Variants in PIBF1 observed in about 807,000 individuals in gnomAD.
PIBF1 encodes the protein progesterone-induced-blocking factor 1.
In PIBF1, 90 loss-of-function variants were observed where a neutral mutation model predicts 112.5. The observed-to-expected ratio is 0.80, with a 90% CI of 0.67 to 0.95. The LOEUF is 0.95. PIBF1 is among the 40% of genes least tolerant of loss of function. The pLI is 0.00. For synonymous variants in PIBF1, 301 were observed against 288.6 expected (o/e 1.04, Z -0.44); for missense variants, 915 against 852.3 (o/e 1.07, Z -0.92).
chr13:72,826,615 A>G (rs2036823655), intron 6 of PIBF1, among the ~76,000 whole-genome samples: 1 of 151,076 alleles, frequency 6.6e-6, no homozygotes, highest in Admixed American at 6.6e-5. Flanking sequence ...ATGCAATCTA[A>G]ATGATAAGTT....
chr13:72,928,198 T>G, intron 13 of PIBF1, among the ~76,000 whole-genome samples: 1 of 151,696 alleles, frequency 6.6e-6, no homozygotes, highest in South Asian at 2.1e-4. Flanking sequence ...TCAACAGTCA[T>G]ACTAATACTC....
At chr13:72,840,524 C>CTTTTT (rs575826319) in intron 9 of PIBF1, among the ~76,000 whole-genome samples, 2 of 136,160 alleles carry the variant, frequency 1.5e-5, no homozygotes, top group African/African-American at 2.7e-5. Context: ...CCCCAATAAA[C>CTTTTT]TTTTTTTTTT....
At chr13:73,004,832 G>A (rs2043982873) in intron 17 of PIBF1, among the ~76,000 whole-genome samples, 2 of 152,128 alleles carry the variant, frequency 1.3e-5, no homozygotes, top group African/African-American at 4.8e-5. Flanking sequence ...TTCTATGGAT[G>A]GACAGTAGTG....
At chr13:72,993,631 A>G (rs541672355) in intron 16 of PIBF1, among the ~76,000 whole-genome samples, 3 of 151,848 alleles carry the variant, frequency 2.0e-5, no homozygotes, top group East Asian at 3.9e-4. Context: ...CTGTAGTCCC[A>G]GCTACTCGGG....
At chr13:72,912,823 AACAT>A (rs2040937001) in intron 12 of PIBF1, among the ~76,000 whole-genome samples, 1 of 152,062 alleles carries the variant, frequency 6.6e-6, no homozygotes, top group Non-Finnish European at 1.5e-5. Context: ...GAATCTGAAA[AACAT>A]AAAGTGTACT....
intron 16 of PIBF1, among the ~76,000 whole-genome samples, chr13:72,991,719 A>ATTTT (rs762467681): frequency 7.4e-6 from 1 of 135,864 alleles, no homozygotes; most frequent in African/African-American, 2.7e-5. Context: ...CCCCATCTCA[A>ATTTT]TTTTTTTTTT....
intron 5 of PIBF1, among the ~76,000 whole-genome samples, chr13:72,798,239 T>C (rs986320722): frequency 6.6e-6 from 1 of 152,200 alleles, no homozygotes; most frequent in East Asian, 1.9e-4. Flanking sequence ...TATCCTATAG[T>C]TGAGCTTTTA....
intron 14 of PIBF1, among the ~76,000 whole-genome samples, chr13:72,959,750 G>T (rs1215502116): frequency 6.6e-6 from 1 of 152,158 alleles, no homozygotes; most frequent in Non-Finnish European, 1.5e-5. Flanking sequence ...TTAATCAGGG[G>T]TTACTTTTCT....
intron 8 of PIBF1, among the ~76,000 whole-genome samples, chr13:72,833,054 G>A (rs553618441): frequency 6.6e-6 from 1 of 152,034 alleles, no homozygotes; most frequent in Non-Finnish European, 1.5e-5. Context: ...CCACTTGATC[G>A]ATTTGGCTTT....
chr13:72,845,502 G>A (rs1022197407), intron 9 of PIBF1, among the ~76,000 whole-genome samples: 6 of 152,102 alleles, frequency 3.9e-5, no homozygotes, highest in African/African-American at 1.4e-4. Context: ...TTATAGTAGA[G>A]TGATTTATAG....
intron 17 of PIBF1, 45 bp from the exon 18 acceptor site, chr13:73,015,824 C>T: frequency 8.1e-7 from 1 of 1,237,728 alleles, no homozygotes; most frequent in Non-Finnish European, 1.1e-6. Context: ...CTCTTGTCCT[C>T]CTTGTAAGCA....
intron 16 of PIBF1, among the ~76,000 whole-genome samples, chr13:72,979,136 A>T (rs572156475): frequency 7.4e-4 from 112 of 152,328 alleles, no homozygotes; most frequent in African/African-American, 2.4e-3. Flanking sequence ...TTAAGGCTGC[A>T]GTGAATCATA....
At chr13:72,906,811 A>T (rs2040720019) in intron 11 of PIBF1, among the ~76,000 whole-genome samples, 3 of 151,996 alleles carry the variant, frequency 2.0e-5, no homozygotes, top group Admixed American at 2.0e-4. Flanking sequence ...GTGGTTTTGC[A>T]GGGGGAGGTG....
chr13:72,811,034 A>G (rs553813813), intron 5 of PIBF1, among the ~76,000 whole-genome samples: 1 of 151,674 alleles, frequency 6.6e-6, no homozygotes, highest in Non-Finnish European at 1.5e-5. Flanking sequence ...TTTTTTGTAT[A>G]TCTTTTTAGT....
intron 5 of PIBF1, among the ~76,000 whole-genome samples, chr13:72,815,020 G>T (rs940459724): frequency 1.3e-5 from 2 of 152,212 alleles, no homozygotes; most frequent in African/African-American, 4.8e-5. Context: ...CAGGTTCACA[G>T]ATAGATTACT....
Position 72,962,091 on chromosome 13 carries a change from CTT to C in PIBF1, c.1834-3182_1834-3181del, listed in dbSNP as rs1303140704. On this transcript the variant is annotated intron_variant, in intron 14 of 17. Coordinates refer to ENST00000326291, the MANE Select transcript of PIBF1 (RefSeq NM_006346.4). ...AATTTTTATATATTGTTTATACTGACTTATAATTTATTACTATACATAGTGTA... is the reference window on the plus strand; with the variant it reads ...AATTTTTATATATTGTTTATACTGACATAATTTATTACTATACATAGTGTA... Among the ~76,000 whole-genome samples, 7 of 152,140 alleles carry C rather than the reference CTT, an allele frequency of 4.6e-5. No individual in the cohort carries two copies. In the East Asian group the frequency reaches 5.8e-4, roughly 13 times the overall value.
Position 72,838,854 on chromosome 13 carries a change from G to C in PIBF1, c.1223+3486G>C, listed in dbSNP as rs116110166. 5.3e-3 allele frequency among the ~76,000 whole-genome samples: 814 copies of C among 152,150 alleles called. 15 individuals are homozygous for C. The highest frequency in any genetic ancestry group is 0.018 in the African/African-American group (762 of 41,502). On this transcript the variant is annotated intron_variant, in intron 9 of 17. Transcript: ENST00000326291. ...AACTAAGGAAGGAAAGGAAATTGGG[G>C]GAATGAATATATAGCATATATAAAA...
At position 72,889,907 on chromosome 13, in the gene PIBF1, A is replaced by T. The variant is rs574712478; in HGVS notation, c.1323-3877A>T. Among the ~76,000 whole-genome samples the T allele has an allele frequency of 9.8e-5, 15 of 152,320 alleles. No homozygotes were observed. In the East Asian group the frequency reaches 2.7e-3, roughly 27 times the overall value. ...GGGTTCAAAATTTTTAATGTAATAC[A>T]AGCCATGAACATTTTGTGTACAGAA... On this transcript the variant is annotated intron_variant, in intron 10 of 17. Coordinates refer to ENST00000326291, the MANE Select transcript of PIBF1 (RefSeq NM_006346.4).
intron 14 of PIBF1, among the ~76,000 whole-genome samples, chr13:72,931,504 C>G (rs1471459655): frequency 6.6e-6 from 1 of 151,900 alleles, no homozygotes; most frequent in Non-Finnish European, 1.5e-5. Context: ...ACTAGACAGA[C>G]AGAGCTTTGA....
Sources: gnomAD v4.1 joint callset for allele counts (sites outside exome capture counted in the v4.1 genomes callset) on GRCh38, gnomAD v4.1.1 for gene constraint, MANE v1.5 for transcripts, NCBI Gene and HGNC (gene_info 2026-07-23, HGNC 2026-07-21) for gene names.